Variants in EVL observed in about 807,000 individuals in gnomAD.
EVL encodes the protein ena/VASP-like protein.
A neutral mutation model predicts 59.6 loss-of-function variants in EVL; 21 were observed. That is an observed-to-expected ratio of 0.35 (90% confidence interval 0.25 to 0.51). EVL has a LOEUF of 0.51. Among genes scored for constraint, EVL ranks in the 20% least tolerant of loss-of-function variants. EVL has a pLI of 0.97. For synonymous variants in EVL, 198 were observed against 203.5 expected (o/e 0.97, Z 0.23); for missense variants, 462 against 546.6 (o/e 0.85, Z 1.54).
intron 1 of EVL, among the ~76,000 whole-genome samples, chr14:99,985,236 TA>T (rs2060832524): frequency 6.6e-6 from 1 of 151,840 alleles, no homozygotes; most frequent in Non-Finnish European, 1.5e-5. Context: ...CCAAGAAGAA[TA>T]GCATGGGGCA....
At chr14:100,124,004 A>C (rs1320646981) in intron 4 of EVL, among the ~76,000 whole-genome samples, 2 of 152,222 alleles carry the variant, frequency 1.3e-5, no homozygotes, top group South Asian at 2.1e-4. Flanking sequence ...GCTAGGGACC[A>C]TAGGAATGAA....
chr14:100,076,788 G>A (rs976230621), intron 1 of EVL, among the ~76,000 whole-genome samples: 1 of 152,174 alleles, frequency 6.6e-6, no homozygotes, highest in African/African-American at 2.4e-5. Context: ...TAAGCCAAGG[G>A]TTGGGTCGGC....
rs568500897 is a variant in EVL, at chr14:100,040,515, A to G, written c.6-44172A>G. Among the ~76,000 whole-genome samples the G allele has an allele frequency of 7.7e-4, 117 of 152,340 alleles. 3 individuals are homozygous for G. The highest frequency in any genetic ancestry group is 7.6e-3 in the Admixed American group (116 of 15,308). ...CCCCTCAGAAAGCAGCCATCTGGGC[A>G]GGACAGAACGGAGCCTGACTGCTAG... On this transcript the variant is annotated intron_variant, in intron 1 of 13. Coordinates refer to the EVL transcript ENST00000402714.
At chr14:99,981,461 T>TTA (rs1194422446) in intron 1 of EVL, among the ~76,000 whole-genome samples, 2 of 152,022 alleles carry the variant, frequency 1.3e-5, no homozygotes, top group South Asian at 2.1e-4. Context: ...AAAGTAACAA[T>TTA]TATATATATA....
At chr14:100,052,616 G>T (rs1490293252) in intron 1 of EVL, among the ~76,000 whole-genome samples, 6 of 152,022 alleles carry the variant, frequency 3.9e-5, no homozygotes, top group African/African-American at 1.4e-4. Context: ...AGCCAGGCAT[G>T]GTGGTGTGCA....
chr14:100,102,731 A>T (rs1886301124), intron 3 of EVL, among the ~76,000 whole-genome samples: 1 of 152,150 alleles, frequency 6.6e-6, no homozygotes, highest in Non-Finnish European at 1.5e-5. Context: ...CTTAAAGGGC[A>T]GTTCTGACCA....
chr14:99,995,508 G>C (rs1595550452), intron 1 of EVL, among the ~76,000 whole-genome samples: 1 of 151,828 alleles, frequency 6.6e-6, no homozygotes, highest in Non-Finnish European at 1.5e-5. Flanking sequence ...GATTTCTTTA[G>C]TTTTCTATCT....
At chr14:100,024,833 T>A (rs2061183414) in intron 1 of EVL, among the ~76,000 whole-genome samples, 1 of 152,056 alleles carries the variant, frequency 6.6e-6, no homozygotes, top group Non-Finnish European at 1.5e-5. Context: ...CTCTTTCCTG[T>A]CCTTTCTTCA....
chr14:100,097,838 G>A, intron 3 of EVL, 180 bp downstream of exon 3: 3 of 534,070 alleles, frequency 5.6e-6, no homozygotes, highest in East Asian at 3.1e-5. Flanking sequence ...ATTCAGAGGA[G>A]GAAAGAATGG....
chr14:100,100,178 A>T (rs1886117211), intron 3 of EVL, among the ~76,000 whole-genome samples: 1 of 152,162 alleles, frequency 6.6e-6, no homozygotes, highest in African/African-American at 2.4e-5. Context: ...TCAGATAGTA[A>T]GATCCAGAAC....
chr14:100,102,407 A>G, intron 3 of EVL: 5 of 456,038 alleles, frequency 1.1e-5, no homozygotes, highest in South Asian at 7.7e-5. Flanking sequence ...GATAGAGGAT[A>G]AGTACACCTC....
Position 100,132,591 on chromosome 14 carries a change from C to T in EVL, c.840-128C>T, listed in dbSNP as rs957457591. The T allele has an allele frequency of 1.5e-4, 161 of 1,072,734 alleles. 1 individual carries two copies. The highest frequency in any genetic ancestry group is 1.1e-4 in the Non-Finnish European group (80 of 696,554). 66.5% of individuals were successfully genotyped at this position (1,072,734 alleles called of 1,614,324 possible). On this transcript the variant is annotated intron_variant, in intron 7 of 13. Coordinates refer to ENST00000392920, the MANE Select transcript of EVL (RefSeq NM_016337.3). ...GGGCCTAGACAAGCCGCCTCCTTCA[C>T]GCCATCGTTTTCCCACACAGGTTTA...
At chr14:100,046,073 G>C (rs371797467) in intron 1 of EVL, among the ~76,000 whole-genome samples, 49 of 152,230 alleles carry the variant, frequency 3.2e-4, no homozygotes, top group African/African-American at 1.2e-3. Flanking sequence ...TCAAATTGTA[G>C]GATTCCTTTC....
At chr14:100,143,580 T>C in intron 13 of EVL, 121 bp from the exon 14 acceptor site, 1 of 1,222,194 alleles carries the variant, frequency 8.2e-7, no homozygotes, top group Non-Finnish European at 1.2e-6. Context: ...TGGGTGGGGC[T>C]CCCAGGAGAT....
chr14:100,064,106 A>G (rs529468241), upstream of EVL, among the ~76,000 whole-genome samples: 39 of 152,370 alleles, frequency 2.6e-4, no homozygotes, highest in Middle Eastern at 3.4e-3. Context: ...AGGGAAATGT[A>G]TATCATTAAA....
chr14:100,065,319 T>C (rs1755499722), upstream of EVL: 1 of 494,554 alleles, frequency 2.0e-6, no homozygotes, highest in South Asian at 8.9e-5. Flanking sequence ...TAGGTTTCAG[T>C]TTTTCACTTG....
chr14:100,079,388 G>A (rs546696507), intron 1 of EVL, among the ~76,000 whole-genome samples: 3 of 152,330 alleles, frequency 2.0e-5, no homozygotes, highest in South Asian at 4.1e-4. Flanking sequence ...AATTATTCAT[G>A]TCTACAGCAT....
chr14:100,083,422 G>A (rs745990425), intron 1 of EVL, among the ~76,000 whole-genome samples: 32 of 151,712 alleles, frequency 2.1e-4, no homozygotes, highest in Admixed American at 9.2e-4. Flanking sequence ...CTGGAGTGCG[G>A]TGGCACAATC....
At chr14:100,041,963 G>A (rs1281648191) in intron 1 of EVL, among the ~76,000 whole-genome samples, 1 of 152,080 alleles carries the variant, frequency 6.6e-6, no homozygotes, top group Non-Finnish European at 1.5e-5. Context: ...ACACTGCCCA[G>A]TAAAAACAAC....
Sources: gnomAD v4.1 joint callset for allele counts (sites outside exome capture counted in the v4.1 genomes callset) on GRCh38, gnomAD v4.1.1 for gene constraint, MANE v1.5 for transcripts, NCBI Gene and HGNC (gene_info 2026-07-23, HGNC 2026-07-21) for gene names.